Variants in PRKAG2 observed in about 807,000 individuals in gnomAD.
PRKAG2 encodes the protein protein kinase AMP-activated non-catalytic subunit gamma 2.
In PRKAG2, 26 loss-of-function variants were observed where a neutral mutation model predicts 69.6. The ratio of observed to expected loss-of-function variants is 0.37; its 90% CI spans 0.27 to 0.52. The LOEUF (loss-of-function observed/expected upper bound fraction) is 0.52. Among genes scored for constraint, PRKAG2 ranks in the 20% least tolerant of loss-of-function variants. The probability of loss-of-function intolerance (pLI) is 0.90; values close to 1 mark genes in which losing one functional copy is unlikely to be tolerated. For synonymous variants in PRKAG2, 293 were observed against 285.0 expected, an observed-to-expected ratio of 1.03 and a Z score of -0.28; for missense variants, 557 against 740.0, an observed-to-expected ratio of 0.75 and a Z score of 2.87.
At chr7:151,742,577 T>C (rs1429197035) in intron 3 of PRKAG2, among the ~76,000 whole-genome samples, 2 of 151,958 alleles carry the variant, frequency 1.3e-5, no homozygotes, top group Non-Finnish European at 2.9e-5. Flanking sequence ...TGAACCGAGA[T>C]TGTGCCACTG....
intron 1 of PRKAG2, among the ~76,000 whole-genome samples, chr7:151,790,301 C>T (rs1258620923): frequency 6.6e-6 from 1 of 152,174 alleles, no homozygotes; most frequent in Non-Finnish European, 1.5e-5. Context: ...CCTGCAAAGC[C>T]CAAGTCAAAC....
intron 15 of PRKAG2, chr7:151,559,428 C>T (rs1804437071): frequency 1.0e-6 from 1 of 985,372 alleles, no homozygotes; most frequent in Non-Finnish European, 1.2e-6. Context: ...GCACCAGGCC[C>T]CATTTCTAGA....
At chr7:151,684,030 C>G (rs1240985395) in intron 3 of PRKAG2, among the ~76,000 whole-genome samples, 1 of 152,208 alleles carries the variant, frequency 6.6e-6, no homozygotes, top group Non-Finnish European at 1.5e-5. Flanking sequence ...CCTTCCACCC[C>G]TCATTCCAGA....
At chr7:151,794,700 C>T (rs1291458470) in intron 1 of PRKAG2, among the ~76,000 whole-genome samples, 2 of 152,360 alleles carry the variant, frequency 1.3e-5, no homozygotes, top group East Asian at 1.9e-4. Flanking sequence ...CTGGCTGTCC[C>T]CCTTATAATT....
chr7:151,597,820 G>GCCCCC (rs34809720), intron 5 of PRKAG2, among the ~76,000 whole-genome samples: 2 of 124,858 alleles, frequency 1.6e-5, no homozygotes, highest in African/African-American at 6.1e-5. Context: ...ACAAAAGGGA[G>GCCCCC]CCCCCCCCCC....
intron 1 of PRKAG2, chr7:151,810,704 C>G (rs1373105944): frequency 6.5e-6 from 1 of 153,786 alleles, no homozygotes; most frequent in Non-Finnish European, 1.5e-5. Context: ...TCACCGGTGA[C>G]TAAGGAGCTG....
intron 4 of PRKAG2, among the ~76,000 whole-genome samples, chr7:151,671,449 C>T (rs1373258429): frequency 6.6e-6 from 1 of 152,156 alleles, no homozygotes; most frequent in Non-Finnish European, 1.5e-5. Flanking sequence ...ACATAAGGAA[C>T]TTAGCACATA....
At chr7:151,612,759 C>T (rs1484712660) in intron 5 of PRKAG2, among the ~76,000 whole-genome samples, 1 of 152,360 alleles carries the variant, frequency 6.6e-6, no homozygotes, top group South Asian at 2.1e-4. Flanking sequence ...CCCAAAGGCA[C>T]AGGTGCATGG....
chr7:151,661,852 A>T (rs1481774893), intron 4 of PRKAG2, among the ~76,000 whole-genome samples: 1 of 152,224 alleles, frequency 6.6e-6, no homozygotes, highest in Non-Finnish European at 1.5e-5. Context: ...CATTAAGGGA[A>T]CACTGGTATT....
chr7:151,735,920 G>C (rs970680791), intron 3 of PRKAG2: 2 of 1,536,292 alleles, frequency 1.3e-6, no homozygotes, highest in East Asian at 4.9e-5. Context: ...ATGAGGCTCC[G>C]ACTGGCGCCT....
chr7:151,726,596 G>A (rs1250597088), intron 3 of PRKAG2, among the ~76,000 whole-genome samples: 1 of 152,108 alleles, frequency 6.6e-6, no homozygotes, highest in Admixed American at 6.5e-5. Context: ...CGTTGTCTGG[G>A]CAGACAGCGG....
chr7:151,617,266 A>AGGAGGGAGGGAGGGAGGGAG (rs144872514), intron 5 of PRKAG2, among the ~76,000 whole-genome samples: 1 of 96,216 alleles, frequency 1.0e-5, no homozygotes, highest in African/African-American at 4.7e-5. Flanking sequence ...GAGCGAGGGA[A>AGGAGGGAGGGAGGGAGGGAG]GGAGGGAGGG....
chr7:151,565,919 C>G (rs375183609), intron 11 of PRKAG2, 34 bp from the exon 12 acceptor site: 4 of 1,586,598 alleles, frequency 2.5e-6, no homozygotes, highest in Non-Finnish European at 3.5e-6. Flanking sequence ...GTTCTAGACC[C>G]AGAACACACT....
intron 6 of PRKAG2, among the ~76,000 whole-genome samples, chr7:151,578,250 C>A (rs1195969501): frequency 2.6e-5 from 4 of 152,200 alleles, no homozygotes; most frequent in Non-Finnish European, 2.9e-5. Flanking sequence ...GAGGCTGAGG[C>A]ACAAGAATCG....
chr7:151,570,336 C>G, intron 9 of PRKAG2, 111 bp from the exon 10 acceptor site: 1 of 1,261,642 alleles, frequency 7.9e-7, no homozygotes, highest in Non-Finnish European at 1.1e-6. Context: ...GGATTAAAAA[C>G]TCAAATAAAA....
intron 1 of PRKAG2, among the ~76,000 whole-genome samples, chr7:151,856,794 A>C (rs1288254950): frequency 6.6e-6 from 1 of 152,210 alleles, no homozygotes; most frequent in East Asian, 1.9e-4. Flanking sequence ...GCCACAGGGA[A>C]GAGAACTGGA....
intron 1 of PRKAG2, among the ~76,000 whole-genome samples, chr7:151,870,799 C>A (rs751975133): frequency 6.6e-6 from 1 of 152,244 alleles, no homozygotes; most frequent in Non-Finnish European, 1.5e-5. Context: ...CTTGAGGCCA[C>A]GCGGCGGGGG....
intron 1 of PRKAG2, among the ~76,000 whole-genome samples, chr7:151,818,178 G>C (rs1002743961): frequency 1.3e-5 from 2 of 152,196 alleles, no homozygotes; most frequent in Non-Finnish European, 2.9e-5. Context: ...TGACTTCAAA[G>C]AATGACAAAT....
chr7:151,580,656 G>C (rs991039672), intron 6 of PRKAG2, among the ~76,000 whole-genome samples: 1 of 152,176 alleles, frequency 6.6e-6, no homozygotes, highest in Non-Finnish European at 1.5e-5. Context: ...TATGTAATCT[G>C]TAAGACAGCC....
Sources: allele counts gnomAD v4.1 joint callset (sites outside exome capture counted in the v4.1 genomes callset), GRCh38; gene constraint gnomAD v4.1.1; transcripts MANE v1.5; gene names NCBI Gene and HGNC (gene_info 2026-07-23, HGNC 2026-07-21).